The following ZNF652 variants were observed in gnomAD, a reference collection of about 807,000 sequenced individuals.
ZNF652 encodes zinc finger protein 652.
In ZNF652, 16 loss-of-function variants were observed where a neutral mutation model predicts 45.2. The observed-to-expected ratio is 0.35, with a 90% CI of 0.24 to 0.54. ZNF652 has a LOEUF of 0.54. Among genes scored for constraint, ZNF652 ranks in the 20% least tolerant of loss-of-function variants. The probability of loss-of-function intolerance (pLI) is 0.91; values close to 1 mark genes in which losing one functional copy is unlikely to be tolerated. For missense variants in ZNF652, 614 were observed against 765.6 expected, an observed-to-expected ratio of 0.80 and a Z score of 2.34; for synonymous variants, 250 against 260.6, an observed-to-expected ratio of 0.96 and a Z score of 0.39.
At chr17:49,338,092 A>G (rs758747962) in intron 1 of ZNF652, among the ~76,000 whole-genome samples, 1 of 151,390 alleles carries the variant, frequency 6.6e-6, no homozygotes, top group African/African-American at 2.4e-5. Flanking sequence ...GGCTCAAGTA[A>G]TCCTCCCACC....
Position 49,324,866 on chromosome 17 carries a change from G to A in ZNF652, c.-258-6883C>T, listed in dbSNP as rs147304705. 7.8e-3 allele frequency among the ~76,000 whole-genome samples: 1,169 copies of A among 149,230 alleles called. 22 individuals carry two copies. The highest frequency in any genetic ancestry group is 0.025 in the African/African-American group (1,022 of 40,388). The stretch of plus-strand genomic sequence containing the variant: ...AGCATTTCTCCTGCCTCAGCCTACC[G>A]AGTAGCTGGGATTACAGACATGCAC... On this transcript the variant is annotated intron_variant, in intron 1 of 5. Transcript: ENST00000430262.
chr17:49,331,666 T>A (rs1567692204), intron 1 of ZNF652, among the ~76,000 whole-genome samples: 1 of 115,008 alleles, frequency 8.7e-6, no homozygotes, highest in Non-Finnish European at 1.9e-5. Context: ...AATAAAAAAA[T>A]AAAAATCACA....
intron 1 of ZNF652, among the ~76,000 whole-genome samples, chr17:49,352,916 G>A (rs1466013209): frequency 2.0e-5 from 3 of 152,168 alleles, no homozygotes; most frequent in African/African-American, 7.2e-5. Context: ...GTCACATTCT[G>A]CAAAAGACGA....
chr17:49,340,568 A>G lies in ZNF652; in HGVS notation c.-259+21341T>C, dbSNP rs529087861. On this transcript the variant is annotated intron_variant, in intron 1 of 5. Transcript: ENST00000430262. Reference sequence around the variant, plus strand: ...CTGTCTCAAAAAAAAAAAAAAAAAAAAAAGAAAGAAAGAAAAAATATATTT... The same window carrying G: ...CTGTCTCAAAAAAAAAAAAAAAAAAGAAAGAAAGAAAGAAAAAATATATTT... Among the ~76,000 whole-genome samples the G allele has an allele frequency of 5.3e-3, 648 of 122,372 alleles. 2 individuals are homozygous for G. The highest frequency in any genetic ancestry group is 0.015 in the African/African-American group (506 of 34,536). 80.3% of individuals were successfully genotyped at this position (122,372 alleles called of 152,430 possible). A position where few individuals can be genotyped will look rare whatever the true frequency, so the allele number is the denominator to read the frequency against.
Position 49,343,172 on chromosome 17 carries a change from G to A in ZNF652, c.-259+18737C>T, listed in dbSNP as rs183023597. ...GCTGGGATTACAGGCGTGGGCCACC[G>A]CATCCGGCCCACATGTAATTCTTAA... On this transcript the variant is annotated intron_variant, in intron 1 of 5. Transcript: ENST00000430262. 4.6e-5 allele frequency among the ~76,000 whole-genome samples: 7 copies of A among 152,168 alleles called. No individual in the cohort carries two copies. The East Asian group carries it at 5.8e-4, about 13-fold the overall frequency.
In ZNF652 at chr17:49,294,375, T is replaced by C. The variant is rs2069443669; in HGVS notation, c.*4038A>G. On this transcript the variant is annotated 3_prime_UTR_variant, in exon 6 of 6. Transcript: ENST00000430262. ...AACAGTTAATGTAAATGGTAGACTA[T>C]GAAAGTACAGGTAACTGATTTGCAC... Among the ~76,000 whole-genome samples, 1 of 152,212 alleles carries C rather than the reference T, an allele frequency of 6.6e-6. No individual in the cohort carries two copies. Among genetic ancestry groups the C allele is most frequent in the Non-Finnish European group, 1.5e-5 (1 of 68,020 alleles).
At chr17:49,319,122 C>T (rs187575238) in intron 1 of ZNF652, among the ~76,000 whole-genome samples, 2 of 152,232 alleles carry the variant, frequency 1.3e-5, no homozygotes, top group Admixed American at 6.5e-5. Flanking sequence ...ATATAATTTG[C>T]TTTGTGACAT....
chr17:49,353,831 C>G (rs886685700), intron 1 of ZNF652, among the ~76,000 whole-genome samples: 1 of 152,196 alleles, frequency 6.6e-6, no homozygotes. Flanking sequence ...AAATAAACAA[C>G]AGTTCTAGAT....
At chr17:49,331,623 T>C (rs1379552406) in intron 1 of ZNF652, among the ~76,000 whole-genome samples, 1 of 147,152 alleles carries the variant, frequency 6.8e-6, no homozygotes, top group East Asian at 2.0e-4. Flanking sequence ...GATATGTCTT[T>C]ATTACACTCT....
intron 3 of ZNF652, 71 bp downstream of exon 3, chr17:49,312,627 A>C (rs376803054): frequency 2.6e-6 from 4 of 1,515,744 alleles, no homozygotes; most frequent in African/African-American, 1.4e-5. Context: ...TATCCTGCCC[A>C]ATCCAGGGCA....
intron 1 of ZNF652, among the ~76,000 whole-genome samples, chr17:49,331,736 C>A (rs972041684): frequency 1.3e-5 from 2 of 152,060 alleles, no homozygotes; most frequent in Admixed American, 6.5e-5. Flanking sequence ...ATACATTTGG[C>A]CTACAAAAAG....
At chr17:49,344,449 T>C (rs948408186) in intron 1 of ZNF652, among the ~76,000 whole-genome samples, 1 of 151,710 alleles carries the variant, frequency 6.6e-6, no homozygotes, top group African/African-American at 2.4e-5. Context: ...TTAATATATA[T>C]AATATTCTTC....
At chr17:49,300,041 GGAACAAA>G (rs1237242992) in intron 5 of ZNF652, among the ~76,000 whole-genome samples, 1 of 152,076 alleles carries the variant, frequency 6.6e-6, no homozygotes, top group African/African-American at 2.4e-5. Context: ...AATGTCCTGT[GGAACAAA>G]GAAGTCTCTT....
At chr17:49,331,701 T>A (rs2070026884) in intron 1 of ZNF652, among the ~76,000 whole-genome samples, 2 of 152,108 alleles carry the variant, frequency 1.3e-5, no homozygotes, top group African/African-American at 4.8e-5. Context: ...GTGGATAACA[T>A]CAGAAAATGC....
rs200494684 is a variant in ZNF652 at position 49,298,938 on chromosome 17, A to G, written c.1310-14T>C. The G allele has an allele frequency of 4.6e-5, 74 of 1,592,096 alleles. No homozygotes were observed. In the Admixed American group the frequency reaches 8.0e-4, roughly 17 times the overall value. The stretch of plus-strand genomic sequence containing the variant: ...AGGGTTTCTCTCCTGAGATGAACAC[A>G]GACATAAAAATGATTAACATATTAG... On this transcript the variant is annotated splice_polypyrimidine_tract_variant and intron_variant, in intron 5 of 5. Coordinates refer to ENST00000430262, the MANE Select transcript of ZNF652 (RefSeq NM_001145365.3).
chr17:49,311,803 T>C (rs1481709234), intron 4 of ZNF652, 124 bp downstream of exon 4: 5 of 750,708 alleles, frequency 6.7e-6, no homozygotes, highest in Non-Finnish European at 1.1e-5. Flanking sequence ...TCAGAACACA[T>C]GTCTGAAAGT....
chr17:49,324,852 T>C (rs974985159), intron 1 of ZNF652, among the ~76,000 whole-genome samples: 1 of 150,836 alleles, frequency 6.6e-6, no homozygotes, highest in Non-Finnish European at 1.5e-5. Flanking sequence ...GCATTTCTCC[T>C]GCCTCAGCCT....
chr17:49,296,435 A>G lies in ZNF652; in HGVS notation c.*1978T>C, dbSNP rs1332909336. ...GAAAGAGTTCATTTTTTCTTACCAC[A>G]GAGCTCATTAGTTAGAAAAGTGCTC... On this transcript the variant is annotated 3_prime_UTR_variant, in exon 6 of 6. Transcript: ENST00000430262. 3 of 152,650 alleles carry G rather than the reference A, an allele frequency of 2.0e-5. No homozygotes were observed. Among genetic ancestry groups the G allele is most frequent in the Non-Finnish European group, 4.4e-5 (3 of 68,044 alleles). The allele number at this position is 152,650 out of a possible 1,614,324, so 9.5% of individuals were successfully genotyped here.
chr17:49,339,850 C>T (rs952412874), intron 1 of ZNF652, among the ~76,000 whole-genome samples: 16 of 152,368 alleles, frequency 1.1e-4, no homozygotes, highest in East Asian at 5.8e-4. Flanking sequence ...TCTTCTGCCT[C>T]AGCCTCCCGA....
Sources: allele counts gnomAD v4.1 joint callset (sites outside exome capture counted in the v4.1 genomes callset), GRCh38; gene constraint gnomAD v4.1.1; transcripts MANE v1.5; gene names NCBI Gene and HGNC (gene_info 2026-07-23, HGNC 2026-07-21).